Variants in NAALADL2 observed in about 807,000 individuals in gnomAD.
NAALADL2 encodes N-acetylated alpha-linked acidic dipeptidase like 2.
Under a neutral mutation model 87.2 loss-of-function variants are expected in NAALADL2, and 76 were observed. That is an observed-to-expected ratio of 0.87 (90% CI 0.72 to 1.05). The LOEUF (loss-of-function observed/expected upper bound fraction) is 1.05, where lower values mean the gene tolerates loss of function less well. Among genes scored for constraint, NAALADL2 ranks in the 50% least tolerant of loss-of-function variants. The pLI, the probability that NAALADL2 is intolerant of heterozygous loss-of-function variation, is 0.00. For missense variants in NAALADL2, 1,089 were observed against 945.8 expected (o/e 1.15, Z -1.99); for synonymous variants, 354 against 331.0 (o/e 1.07, Z -0.75).
intron 1 of NAALADL2, among the ~76,000 whole-genome samples, chr3:175,061,615 C>CA (rs1455712868): frequency 1.3e-5 from 2 of 151,730 alleles, no homozygotes; most frequent in African/African-American, 4.8e-5. Flanking sequence ...AAATTTGAAT[C>CA]AAAAATATCT....
rs147507685 is a variant in NAALADL2 at position 175,179,252 on chromosome 3, A to G, written c.546-54679A>G. 1.3e-3 allele frequency among the ~76,000 whole-genome samples: 193 copies of G among 152,100 alleles called. 2 individuals carry two copies. The highest frequency in any genetic ancestry group is 3.7e-3 in the South Asian group (18 of 4,826). ...AGTGTGACCTCTTATTTGTCTTTGT[A>G]ATTCCAACAGCTAACTCAGTGCCAG... On this transcript the variant is annotated intron_variant, in intron 2 of 13. Transcript: ENST00000454872.
chr3:175,383,413 A>G (rs943349821), intron 5 of NAALADL2, among the ~76,000 whole-genome samples: 1 of 141,110 alleles, frequency 7.1e-6, no homozygotes, highest in African/African-American at 2.7e-5. Context: ...TCACGTCCAT[A>G]TCAGTTTTTT....
rs10717263 is a variant in NAALADL2 at position 175,705,554 on chromosome 3, GAA to G, written c.1897-31741_1897-31740del. 8.6e-4 allele frequency among the ~76,000 whole-genome samples: 123 copies of G among 142,762 alleles called. 4 individuals are homozygous for G. The South Asian group carries it at 0.024, about 28-fold the overall frequency. 93.7% of individuals were successfully genotyped at this position (142,762 alleles called of 152,430 possible). ...TGAGGAGAAAGAGAAGAAAGAAGAA[GAA>G]AAAAAAAAAACTAACACTGATTGGG... On this transcript the variant is annotated intron_variant, in intron 11 of 13. Transcript: ENST00000454872.
chr3:174,740,059 C>T (rs1733618788), intron 3 of NAALADL2, among the ~76,000 whole-genome samples: 1 of 151,858 alleles, frequency 6.6e-6, no homozygotes, highest in South Asian at 2.1e-4. Flanking sequence ...CAAAAAGTGC[C>T]AGTGTGATTT....
chr3:175,175,020 A>T (rs564556630), intron 2 of NAALADL2, among the ~76,000 whole-genome samples: 2 of 152,142 alleles, frequency 1.3e-5, no homozygotes, highest in East Asian at 1.9e-4. Context: ...TGAATGTATA[A>T]TTTTTTCTCT....
intron 4 of NAALADL2, among the ~76,000 whole-genome samples, chr3:175,315,879 A>G (rs984488706): frequency 1.3e-5 from 2 of 152,180 alleles, no homozygotes; most frequent in African/African-American, 4.8e-5. Context: ...TTTTTTAACA[A>G]TAGAAATTTT....
intron 9 of NAALADL2, among the ~76,000 whole-genome samples, chr3:175,512,488 A>C (rs1731297487): frequency 6.6e-6 from 1 of 152,204 alleles, no homozygotes. Context: ...TTAAGATTTT[A>C]TGAGGAAAAG....
intron 2 of NAALADL2, among the ~76,000 whole-genome samples, chr3:175,166,428 C>A (rs9847578): frequency 2.6e-5 from 4 of 151,930 alleles, no homozygotes; most frequent in Non-Finnish European, 5.9e-5. Flanking sequence ...TCACAAATAC[C>A]GCTAGCTGCC....
chr3:175,794,142 G>T (rs1161574712), intron 13 of NAALADL2, among the ~76,000 whole-genome samples: 1 of 152,256 alleles, frequency 6.6e-6, no homozygotes, highest in South Asian at 2.1e-4. Flanking sequence ...CAGATGAAAC[G>T]AAATGCATCT....
Position 175,360,058 on chromosome 3 carries a change from ATCCAATACTCAATGCACTTCATC to A in NAALADL2, c.1090+35736_1090+35758del, listed in dbSNP as rs577978729. 1.8e-4 allele frequency among the ~76,000 whole-genome samples: 28 copies of A among 152,296 alleles called. 1 individual carries two copies. The South Asian group carries it at 3.5e-3, about 19-fold the overall frequency. On this transcript the variant is annotated intron_variant, in intron 5 of 13. Coordinates refer to ENST00000454872, the MANE Select transcript of NAALADL2 (RefSeq NM_207015.3). ...AAAGGAGATTATTGAGTATCCTTAC[ATCCAATACTCAATGCACTTCATC>A]TCTACTCCCTATCTCCCTATCTTAT...
intron 10 of NAALADL2, among the ~76,000 whole-genome samples, chr3:175,593,761 G>C (rs1051774523): frequency 9.9e-6 from 1 of 100,794 alleles, no homozygotes; most frequent in Non-Finnish European, 2.2e-5. Context: ...AGTCATATTA[G>C]GGCCCACTCT....
intron 5 of NAALADL2, among the ~76,000 whole-genome samples, chr3:175,418,235 G>A (rs1715017468): frequency 6.6e-6 from 1 of 152,160 alleles, no homozygotes; most frequent in South Asian, 2.1e-4. Flanking sequence ...CTGCTAAATA[G>A]CAGACTTCAA....
chr3:174,724,957 G>C (rs577483718), intron 2 of NAALADL2, among the ~76,000 whole-genome samples: 16 of 152,224 alleles, frequency 1.1e-4, no homozygotes, highest in African/African-American at 3.9e-4. Context: ...TCTGTTTCTG[G>C]TGAGATCAGG....
At chr3:175,569,445 A>T (rs1230969796) in intron 9 of NAALADL2, among the ~76,000 whole-genome samples, 1 of 152,290 alleles carries the variant, frequency 6.6e-6, no homozygotes, top group Admixed American at 6.5e-5. Context: ...AATCAATAGG[A>T]TATATCTTGC....
chr3:175,349,783 C>A (rs1402323632), intron 5 of NAALADL2, among the ~76,000 whole-genome samples: 1 of 152,094 alleles, frequency 6.6e-6, no homozygotes, highest in Non-Finnish European at 1.5e-5. Context: ...TTTTTAAAAA[C>A]TATGTCAAGA....
intron 2 of NAALADL2, among the ~76,000 whole-genome samples, chr3:174,554,846 A>T (rs2108498403): frequency 6.6e-6 from 1 of 152,344 alleles, no homozygotes; most frequent in East Asian, 1.9e-4. Context: ...TTTATAAACA[A>T]TCGAAATTTT....
intron 1 of NAALADL2, among the ~76,000 whole-genome samples, chr3:175,046,312 T>C (rs926814703): frequency 6.6e-6 from 1 of 152,172 alleles, no homozygotes; most frequent in Non-Finnish European, 1.5e-5. Context: ...GATGCAATGC[T>C]GTTGGTCTTT....
chr3:174,997,040 ATGTG>A (rs376663924), intron 1 of NAALADL2, among the ~76,000 whole-genome samples: 3,673 of 81,460 alleles, frequency 0.045, 88 homozygotes, highest in African/African-American at 0.11. Context: ...GTGTGTGTGT[ATGTG>A]TATATATATA....
chr3:175,093,758 C>T (rs759229424), intron 1 of NAALADL2, among the ~76,000 whole-genome samples: 1 of 151,630 alleles, frequency 6.6e-6, no homozygotes, highest in Non-Finnish European at 1.5e-5. Flanking sequence ...TGTGACTCTG[C>T]TGGAAGATAG....
Sources: gnomAD v4.1 joint callset for allele counts (sites outside exome capture counted in the v4.1 genomes callset) on GRCh38, gnomAD v4.1.1 for gene constraint, MANE v1.5 for transcripts, NCBI Gene and HGNC (gene_info 2026-07-23, HGNC 2026-07-21) for gene names.